Variants in ASPRV1 observed in about 807,000 individuals in gnomAD.
ASPRV1 encodes aspartic peptidase retroviral like 1, also known as retroviral-like aspartic protease 1.
ASPRV1 carries 7 observed loss-of-function variants against 11.0 expected under a neutral mutation model. That is an observed-to-expected ratio of 0.64 (90% CI 0.36 to 1.20). The LOEUF is 1.20. Ranked by LOEUF, ASPRV1 falls within the 50% of genes most tolerant of loss-of-function variation. The pLI, the probability that ASPRV1 is intolerant of heterozygous loss-of-function variation, is 0.02. For missense variants in ASPRV1, 299 were observed against 320.0 expected (o/e 0.93, Z 0.50); for synonymous variants, 136 against 138.4 (o/e 0.98, Z 0.12).
chr2:70,073,261 G>A, the ASPRV1 span: 1 of 152,012 alleles, frequency 6.6e-6, no homozygotes, highest in Non-Finnish European at 1.5e-5. Flanking sequence ...TTACTTCAAA[G>A]GCTCTTTTCA....
Position 69,961,083 on chromosome 2 carries a change from A to T in ASPRV1, c.354T>A (p.Ile118=), listed in dbSNP as rs568592170. The change falls in exon 1 of 1, where the codon ATT becomes ATA. Residue 118 remains isoleucine, a synonymous_variant. Coordinates refer to ENST00000320256, the MANE Select transcript of ASPRV1 (RefSeq NM_152792.4). ...MGKGYYLKGK[I]GKVPVRFLVD... is the part of the protein sequence containing the mutation. ...CCAGGAACCTCACGGGCACTTTGCC[A>T]ATCTTCCCCTTGAGATAGTAGCCCT... 6.2e-7 allele frequency: 1 copy of T among 1,613,696 alleles called. No individual in the cohort carries two copies. Among genetic ancestry groups the T allele is most frequent in the South Asian group, 1.1e-5 (1 of 91,056 alleles).
the ASPRV1 span, among the ~76,000 whole-genome samples, chr2:69,969,926 C>G: frequency 3.3e-5 from 5 of 150,996 alleles, no homozygotes; most frequent in South Asian, 1.0e-3. Flanking sequence ...AAGACAGGGT[C>G]TCCCTACATT....
chr2:70,041,400 G>A, the ASPRV1 span, among the ~76,000 whole-genome samples: 5 of 152,208 alleles, frequency 3.3e-5, no homozygotes, highest in South Asian at 6.2e-4. Flanking sequence ...CCACCCAGTC[G>A]GATTTAAATG....
the ASPRV1 span, among the ~76,000 whole-genome samples, chr2:69,970,093 A>G: frequency 1.3e-5 from 2 of 152,010 alleles, no homozygotes; most frequent in Non-Finnish European, 2.9e-5. Flanking sequence ...TCACAGACAC[A>G]GGGGGCTTCC....
chr2:70,067,579 C>T, the ASPRV1 span, among the ~76,000 whole-genome samples: 3 of 152,300 alleles, frequency 2.0e-5, no homozygotes, highest in East Asian at 3.9e-4. Context: ...CCTGTTTGTA[C>T]TAACATGGAA....
the ASPRV1 span, among the ~76,000 whole-genome samples, chr2:70,074,148 A>C: frequency 1.3e-5 from 2 of 149,952 alleles, no homozygotes; most frequent in Non-Finnish European, 3.0e-5. Flanking sequence ...AAAAAAAAAA[A>C]AAAAAAAAAA....
At chr2:69,994,770 G>T in the ASPRV1 span, among the ~76,000 whole-genome samples, 2 of 151,984 alleles carry the variant, frequency 1.3e-5, no homozygotes, top group African/African-American at 4.8e-5. Flanking sequence ...GGCCGAGGAG[G>T]GCGGATCATG....
the ASPRV1 span, among the ~76,000 whole-genome samples, chr2:70,034,557 C>T: frequency 6.4e-3 from 934 of 146,532 alleles, 8 homozygotes; most frequent in African/African-American, 0.022. Context: ...GGCGACAGAG[C>T]GAGACTTTGT....
At chr2:69,968,499 G>T in the ASPRV1 span, 1 of 152,154 alleles carries the variant, frequency 6.6e-6, no homozygotes, top group Admixed American at 6.5e-5. Context: ...ACTCCAGCCT[G>T]GATGACACAG....
chr2:70,064,375 G>A, the ASPRV1 span, among the ~76,000 whole-genome samples: 1 of 152,040 alleles, frequency 6.6e-6, no homozygotes, highest in South Asian at 2.1e-4. Flanking sequence ...TTCATGGTGA[G>A]CACAACATAA....
the ASPRV1 span, among the ~76,000 whole-genome samples, chr2:69,947,621 G>C: frequency 7.2e-5 from 11 of 152,138 alleles, no homozygotes; most frequent in Non-Finnish European, 1.3e-4. Flanking sequence ...TAGAGAACAA[G>C]AGGATACTGC....
the ASPRV1 span, among the ~76,000 whole-genome samples, chr2:69,937,675 T>C: frequency 6.6e-6 from 1 of 152,164 alleles, no homozygotes; most frequent in Non-Finnish European, 1.5e-5. Context: ...AGTGCAGTGG[T>C]GTGATCTTGG....
At chr2:70,044,037 T>C in the ASPRV1 span, among the ~76,000 whole-genome samples, 1 of 152,148 alleles carries the variant, frequency 6.6e-6, no homozygotes, top group South Asian at 2.1e-4. Context: ...TGTCTCCTTC[T>C]TGTCCCTGCA....
the ASPRV1 span, among the ~76,000 whole-genome samples, chr2:70,061,746 C>CAAGACTAGCCTGG: frequency 6.6e-6 from 1 of 151,798 alleles, no homozygotes; most frequent in African/African-American, 2.4e-5. Context: ...GTCAAGAGTT[C>CAAGACTAGCCTGG]AAGACTAGCC....
At chr2:70,080,786 T>C in the ASPRV1 span, 15 of 152,248 alleles carry the variant, frequency 9.9e-5, no homozygotes, top group African/African-American at 3.6e-4. Context: ...ACATCCTTCA[T>C]TCATATCTTT....
the ASPRV1 span, among the ~76,000 whole-genome samples, chr2:70,071,331 T>A: frequency 6.6e-6 from 1 of 152,172 alleles, no homozygotes; most frequent in Non-Finnish European, 1.5e-5. Context: ...TGAAAGCAAG[T>A]TTAGGTATTA....
chr2:70,079,329 T>G, the ASPRV1 span, among the ~76,000 whole-genome samples: 1 of 151,840 alleles, frequency 6.6e-6, no homozygotes, highest in Non-Finnish European at 1.5e-5. Flanking sequence ...AATAATAAAT[T>G]AGCCAGGCAT....
chr2:70,042,968 G>A, the ASPRV1 span, among the ~76,000 whole-genome samples: 1 of 152,152 alleles, frequency 6.6e-6, no homozygotes, highest in Non-Finnish European at 1.5e-5. Context: ...CAGGGTGGAG[G>A]CATCTATAAA....
At chr2:69,991,189 G>A in the ASPRV1 span, among the ~76,000 whole-genome samples, 1 of 152,140 alleles carries the variant, frequency 6.6e-6, no homozygotes, top group Non-Finnish European at 1.5e-5. Flanking sequence ...GGATCTGAGA[G>A]CTGCACCCCA....
Sources: allele counts gnomAD v4.1 joint callset (sites outside exome capture counted in the v4.1 genomes callset), GRCh38; gene constraint gnomAD v4.1.1; transcripts MANE v1.5; gene names NCBI Gene and HGNC (gene_info 2026-07-23, HGNC 2026-07-21).